The following NKAIN2 variants were observed in gnomAD, a reference collection of about 807,000 sequenced individuals.
NKAIN2 encodes sodium/potassium-transporting ATPase subunit beta-1-interacting protein 2.
A neutral mutation model predicts 32.6 loss-of-function variants in NKAIN2; 14 were observed. The ratio of observed to expected loss-of-function variants is 0.43; its 90% CI spans 0.28 to 0.67. NKAIN2 has a LOEUF of 0.67. Ranked by LOEUF, NKAIN2 falls within the 30% of genes least tolerant of loss-of-function variation. The pLI, the probability that NKAIN2 is intolerant of heterozygous loss-of-function variation, is 0.17. For synonymous variants in NKAIN2, 80 were observed against 87.2 expected, an observed-to-expected ratio of 0.92 and a Z score of 0.46; for missense variants, 198 against 258.3, an observed-to-expected ratio of 0.77 and a Z score of 1.60.
intron 1 of NKAIN2, among the ~76,000 whole-genome samples, chr6:123,826,644 A>G (rs1774159610): frequency 6.6e-6 from 1 of 152,066 alleles, no homozygotes; most frequent in Admixed American, 6.6e-5. Context: ...TATTTCCCTT[A>G]ATGTAATATC....
At chr6:124,664,562 A>G (rs1772677547) in intron 4 of NKAIN2, among the ~76,000 whole-genome samples, 2 of 151,522 alleles carry the variant, frequency 1.3e-5, no homozygotes, top group Non-Finnish European at 2.9e-5. Context: ...TGGGAGGCCG[A>G]GGCGGGCGGA....
intron 1 of NKAIN2, among the ~76,000 whole-genome samples, chr6:123,898,533 A>AT (rs1281903415): frequency 4.0e-5 from 6 of 149,374 alleles, no homozygotes; most frequent in African/African-American, 1.5e-4. Flanking sequence ...CCAGATATCG[A>AT]TTCCTGGCTC....
intron 1 of NKAIN2, among the ~76,000 whole-genome samples, chr6:124,110,488 C>CAGAT (rs1304591749): frequency 6.6e-6 from 1 of 151,984 alleles, no homozygotes; most frequent in African/African-American, 2.4e-5. Context: ...GTTTGAGGTA[C>CAGAT]AGATGACCCT....
chr6:124,781,182 TAAG>T (rs1779248579), intron 4 of NKAIN2, among the ~76,000 whole-genome samples: 1 of 152,152 alleles, frequency 6.6e-6, no homozygotes, highest in South Asian at 2.1e-4. Flanking sequence ...TTGGATAAAC[TAAG>T]AAGACTGTGT....
At chr6:124,652,423 T>G (rs1784398816) in intron 3 of NKAIN2, among the ~76,000 whole-genome samples, 2 of 152,218 alleles carry the variant, frequency 1.3e-5, no homozygotes, top group Admixed American at 6.5e-5. Context: ...ACAAGCTTTT[T>G]CTAGCATTCA....
At chr6:124,375,317 G>T (rs1457363945) in intron 3 of NKAIN2, among the ~76,000 whole-genome samples, 1 of 150,610 alleles carries the variant, frequency 6.6e-6, no homozygotes, top group Non-Finnish European at 1.5e-5. Context: ...TGTCTTTCCT[G>T]TGAAAATGGG....
At chr6:124,721,267 A>G (rs1776005331) in intron 4 of NKAIN2, among the ~76,000 whole-genome samples, 1 of 151,730 alleles carries the variant, frequency 6.6e-6, no homozygotes, top group Non-Finnish European at 1.5e-5. Flanking sequence ...AGCCGGGCGC[A>G]GTGGCGGGCG....
intron 1 of NKAIN2, among the ~76,000 whole-genome samples, chr6:123,805,030 C>T (rs1442542433): frequency 6.6e-6 from 1 of 152,064 alleles, no homozygotes; most frequent in African/African-American, 2.4e-5. Flanking sequence ...TGTACAGTTG[C>T]AAAGGGGCAA....
chr6:124,160,620 G>C (rs1244927736), intron 1 of NKAIN2, among the ~76,000 whole-genome samples: 1 of 152,018 alleles, frequency 6.6e-6, no homozygotes, highest in African/African-American at 2.4e-5. Context: ...TTCATGAAAG[G>C]TTGGTTTAAC....
At chr6:124,511,698 T>C (rs1322976901) in intron 3 of NKAIN2, among the ~76,000 whole-genome samples, 2 of 152,156 alleles carry the variant, frequency 1.3e-5, no homozygotes, top group Admixed American at 6.5e-5. Flanking sequence ...AGTCTCTATG[T>C]CTTTGTGGAT....
intron 5 of NKAIN2, among the ~76,000 whole-genome samples, chr6:124,802,245 A>G (rs1047590123): frequency 5.0e-4 from 76 of 152,194 alleles, no homozygotes; most frequent in African/African-American, 1.8e-3. Context: ...ACCCTAATTA[A>G]AACTCCTGCA....
chr6:124,409,290 T>C (rs1774030267), intron 3 of NKAIN2, among the ~76,000 whole-genome samples: 1 of 152,136 alleles, frequency 6.6e-6, no homozygotes, highest in South Asian at 2.1e-4. Context: ...AAGGGAATGC[T>C]TCCAGTTTTT....
intron 1 of NKAIN2, among the ~76,000 whole-genome samples, chr6:124,225,886 T>A (rs1792080960): frequency 6.6e-6 from 1 of 151,994 alleles, no homozygotes; most frequent in South Asian, 2.1e-4. Flanking sequence ...TGGCATGAGG[T>A]ATATAGTATG....
chr6:123,999,422 C>T (rs1451420391), intron 1 of NKAIN2, among the ~76,000 whole-genome samples: 1 of 152,070 alleles, frequency 6.6e-6, no homozygotes, highest in Non-Finnish European at 1.5e-5. Context: ...TTTCACTTGG[C>T]CTACTGTATT....
intron 3 of NKAIN2, among the ~76,000 whole-genome samples, chr6:124,501,136 C>A (rs1778275660): frequency 6.6e-6 from 1 of 152,108 alleles, no homozygotes; most frequent in Non-Finnish European, 1.5e-5. Context: ...TCATGGGAGT[C>A]AGAGAGGATC....
At chr6:123,898,483 A>C (rs1469256917) in intron 1 of NKAIN2, among the ~76,000 whole-genome samples, 3 of 152,012 alleles carry the variant, frequency 2.0e-5, no homozygotes, top group Non-Finnish European at 4.4e-5. Flanking sequence ...CTCCAGCTTC[A>C]GACTGATTCA....
chr6:124,607,038 T>A (rs903740463), intron 3 of NKAIN2, among the ~76,000 whole-genome samples: 1 of 152,134 alleles, frequency 6.6e-6, no homozygotes, highest in Non-Finnish European at 1.5e-5. Flanking sequence ...GTGGATAGTT[T>A]AGTTTGTTGG....
chr6:124,133,119 G>A (rs1309857566), intron 1 of NKAIN2, among the ~76,000 whole-genome samples: 2 of 152,144 alleles, frequency 1.3e-5, no homozygotes, highest in Non-Finnish European at 2.9e-5. Flanking sequence ...TTCCCTCCAG[G>A]TACTCCACTA....
At position 124,501,024 on chromosome 6, in the gene NKAIN2, C is replaced by G. The variant is rs900558353; in HGVS notation, c.273+145677C>G. Among the ~76,000 whole-genome samples, 3 of 152,162 alleles carry G rather than the reference C, an allele frequency of 2.0e-5. No homozygotes were observed. The East Asian group carries it at 5.8e-4, about 29-fold the overall frequency. On this transcript the variant is annotated intron_variant, in intron 3 of 6. Coordinates refer to ENST00000368417, the MANE Select transcript of NKAIN2 (RefSeq NM_001040214.3). ...AAGAAAACTTCTTTAACAAGCAGTG[C>G]GGAGCCATTGTACAATAAAAAGCAG...
Sources: gnomAD v4.1 joint callset for allele counts (sites outside exome capture counted in the v4.1 genomes callset) on GRCh38, gnomAD v4.1.1 for gene constraint, MANE v1.5 for transcripts, NCBI Gene and HGNC (gene_info 2026-07-23, HGNC 2026-07-21) for gene names.